Variants in SEMA6A observed in about 807,000 individuals in gnomAD.
SEMA6A encodes semaphorin-6A.
A neutral mutation model predicts 96.8 loss-of-function variants in SEMA6A; 25 were observed. The ratio of observed to expected loss-of-function variants is 0.26; its 90% CI spans 0.19 to 0.36. SEMA6A has a LOEUF of 0.36. SEMA6A is among the 10% of genes least tolerant of loss of function. The probability of loss-of-function intolerance (pLI) is 1.00; values close to 1 mark genes in which losing one functional copy is unlikely to be tolerated. For missense variants in SEMA6A, 1,363 were observed against 1,323.1 expected (o/e 1.03, Z -0.47); for synonymous variants, 612 against 518.0 (o/e 1.18, Z -2.46).
At chr5:116,510,167 C>G (rs1325684097) in intron 1 of SEMA6A, among the ~76,000 whole-genome samples, 1 of 152,100 alleles carries the variant, frequency 6.6e-6, no homozygotes, top group East Asian at 1.9e-4. Context: ...GTCTCAACTT[C>G]AGGACCCAGT....
At chr5:116,548,807 A>T (rs948099305) in intron 1 of SEMA6A, among the ~76,000 whole-genome samples, 1 of 152,218 alleles carries the variant, frequency 6.6e-6, no homozygotes, top group Admixed American at 6.5e-5. Context: ...ATCCAATGGC[A>T]TTATCCAATA....
intron 1 of SEMA6A, among the ~76,000 whole-genome samples, chr5:116,547,565 C>A (rs921439521): frequency 7.0e-6 from 1 of 142,924 alleles, no homozygotes; most frequent in South Asian, 2.2e-4. Flanking sequence ...CTCTAAGTAA[C>A]GTACTGGTTA....
intron 18 of SEMA6A, among the ~76,000 whole-genome samples, chr5:116,466,395 A>T (rs1755756705): frequency 6.6e-6 from 1 of 151,516 alleles, no homozygotes; most frequent in Non-Finnish European, 1.5e-5. Flanking sequence ...AAAAAAAAAA[A>T]GATTTGAGTC....
At chr5:116,528,949 T>C (rs1327141167) in intron 1 of SEMA6A, among the ~76,000 whole-genome samples, 1 of 152,150 alleles carries the variant, frequency 6.6e-6, no homozygotes, top group East Asian at 1.9e-4. Context: ...AAAAGACAAA[T>C]GAGTTTTTCT....
intron 18 of SEMA6A, among the ~76,000 whole-genome samples, chr5:116,460,687 A>C (rs1254816250): frequency 6.6e-6 from 1 of 152,046 alleles, no homozygotes; most frequent in East Asian, 1.9e-4. Flanking sequence ...TTGCCTAGCA[A>C]CCCTACTCTT....
chr5:116,562,790 G>A, intron 1 of SEMA6A: 1 of 729,794 alleles, frequency 1.4e-6, no homozygotes, highest in East Asian at 2.7e-5. Flanking sequence ...TATGTTGGCT[G>A]CCCAGGATAT....
chr5:116,544,810 A>C (rs1368721497), intron 1 of SEMA6A, among the ~76,000 whole-genome samples: 1 of 152,192 alleles, frequency 6.6e-6, no homozygotes, highest in Non-Finnish European at 1.5e-5. Context: ...TTTACATACC[A>C]CTGTTAAATA....
chr5:116,551,193 G>A (rs1760390239), intron 1 of SEMA6A, among the ~76,000 whole-genome samples: 1 of 152,096 alleles, frequency 6.6e-6, no homozygotes, highest in African/African-American at 2.4e-5. Flanking sequence ...GAAAAGCAGA[G>A]GAAGCGAGTG....
At chr5:116,471,553 A>C (rs1756146710) in intron 17 of SEMA6A, 1 of 152,236 alleles carries the variant, frequency 6.6e-6, no homozygotes, top group Admixed American at 6.5e-5. Flanking sequence ...AGTCTCAACT[A>C]GGTGACATTT....
At chr5:116,476,179 C>G (rs569418652) in intron 15 of SEMA6A, among the ~76,000 whole-genome samples, 8 of 152,122 alleles carry the variant, frequency 5.3e-5, no homozygotes, top group African/African-American at 1.9e-4. Context: ...GAGTATTACT[C>G]TCATTCTCTT....
intron 1 of SEMA6A, among the ~76,000 whole-genome samples, chr5:116,573,624 G>A (rs1190523658): frequency 6.6e-6 from 1 of 151,830 alleles, no homozygotes; most frequent in Admixed American, 6.6e-5. Flanking sequence ...ACTCCACGGA[G>A]CCCAGCCCAG....
At chr5:116,489,872 G>C (rs1234482836) in intron 7 of SEMA6A, among the ~76,000 whole-genome samples, 1 of 152,108 alleles carries the variant, frequency 6.6e-6, no homozygotes. Context: ...TTCTAGAATA[G>C]CAAAATCTAT....
intron 1 of SEMA6A, among the ~76,000 whole-genome samples, chr5:116,549,605 A>AT (rs1760318214): frequency 6.6e-6 from 1 of 152,218 alleles, no homozygotes; most frequent in South Asian, 2.1e-4. Flanking sequence ...AATAAGAATA[A>AT]TTTTATTTAT....
chr5:116,553,258 G>A (rs965832061), intron 1 of SEMA6A, among the ~76,000 whole-genome samples: 1 of 152,128 alleles, frequency 6.6e-6, no homozygotes, highest in African/African-American at 2.4e-5. Flanking sequence ...AATCCATTAA[G>A]TATAATCTTA....
intron 18 of SEMA6A, among the ~76,000 whole-genome samples, chr5:116,465,651 G>A (rs1350699186): frequency 6.6e-6 from 1 of 152,194 alleles, no homozygotes; most frequent in Admixed American, 6.5e-5. Context: ...ATTTTAAAAT[G>A]ATGTGTCAAA....
chr5:116,567,330 T>C (rs1351358063), intron 1 of SEMA6A, among the ~76,000 whole-genome samples: 2 of 152,192 alleles, frequency 1.3e-5, no homozygotes, highest in Non-Finnish European at 2.9e-5. Flanking sequence ...AAGGTTGTTT[T>C]CTTTTGCATC....
chr5:116,564,677 C>T (rs58044243), intron 1 of SEMA6A, among the ~76,000 whole-genome samples: 2,342 of 152,076 alleles, frequency 0.015, 64 homozygotes, highest in African/African-American at 0.053. Flanking sequence ...CACTGGAGAA[C>T]ATTCTCTAAT....
chr5:116,493,417 TAA>T (rs1050309084), intron 6 of SEMA6A, among the ~76,000 whole-genome samples: 1 of 152,232 alleles, frequency 6.6e-6, no homozygotes, highest in African/African-American at 2.4e-5. Flanking sequence ...ACCTCTATTA[TAA>T]ACTGATGAAT....
intron 17 of SEMA6A, chr5:116,467,952 G>C: frequency 1.7e-6 from 1 of 572,064 alleles, no homozygotes; most frequent in Non-Finnish European, 3.1e-6. Flanking sequence ...TGAACTTGTA[G>C]TTAGAAAATG....
Sources: allele counts gnomAD v4.1 joint callset (sites outside exome capture counted in the v4.1 genomes callset), GRCh38; gene constraint gnomAD v4.1.1; transcripts MANE v1.5; gene names NCBI Gene and HGNC (gene_info 2026-07-23, HGNC 2026-07-21).